Variants in TSHZ1 observed in about 807,000 individuals in gnomAD.
The protein encoded by TSHZ1 is teashirt zinc finger homeobox 1, also known as teashirt homolog 1.
A neutral mutation model predicts 67.1 loss-of-function variants in TSHZ1; 12 were observed. The ratio of observed to expected loss-of-function variants is 0.18; its 90% CI spans 0.11 to 0.29. TSHZ1 has a LOEUF of 0.29. Ranked by LOEUF, TSHZ1 falls within the 10% of genes least tolerant of loss-of-function variation. TSHZ1 has a pLI of 1.00. For missense variants in TSHZ1, 1,305 were observed against 1,413.9 expected (o/e 0.92, Z 1.23); for synonymous variants, 632 against 622.4 (o/e 1.02, Z -0.23).
At chr18:75,282,065 G>A (rs553315881) in intron 1 of TSHZ1, among the ~76,000 whole-genome samples, 1 of 152,160 alleles carries the variant, frequency 6.6e-6, no homozygotes, top group Non-Finnish European at 1.5e-5. Context: ...CAAGGAAATG[G>A]CTTGCTGGGA....
At chr18:75,224,964 C>T (rs1196063707) in intron 1 of TSHZ1, among the ~76,000 whole-genome samples, 6 of 152,062 alleles carry the variant, frequency 3.9e-5, no homozygotes, top group African/African-American at 7.2e-5. Flanking sequence ...AGGAAGTCGC[C>T]GTCATGAAGC....
intron 1 of TSHZ1, among the ~76,000 whole-genome samples, chr18:75,252,089 A>G (rs772589277): frequency 5.3e-5 from 8 of 152,120 alleles, no homozygotes; most frequent in Non-Finnish European, 1.2e-4. Flanking sequence ...ATCTATATTT[A>G]TCTCTGTCTC....
In TSHZ1 at chr18:75,288,012, G is replaced by A; in HGVS notation, c.2605G>A (p.Gly869Ser). 6.2e-7 allele frequency: 1 copy of A among 1,614,214 alleles called. No homozygotes were observed. Among genetic ancestry groups the A allele is most frequent in the Non-Finnish European group, 8.5e-7 (1 of 1,180,044 alleles). ...STVSEKSDADGSSFEEALDEL... is the reference protein window; with the variant it reads ...STVSEKSDADSSSFEEALDEL... Reference sequence around the variant, plus strand: ...AGTTTCAGAGAAGTCCGATGCTGATGGCAGCAGCTTTGAGGAGGCGTTGGA... The same window carrying A: ...AGTTTCAGAGAAGTCCGATGCTGATAGCAGCAGCTTTGAGGAGGCGTTGGA... Residue 869 changes from glycine to serine, a missense_variant, in exon 2 of 2, where the codon GGC becomes AGC. By Grantham distance (56) the Gly-to-Ser change is moderately conservative (BLOSUM62 0). This residue lies in a region of TSHZ1 where 909 missense variants were observed against 961.8 expected (regional missense o/e 0.95). Transcript: ENST00000580243. This position sits in a 1 kb window ranked among gnomAD's most constrained non-coding sequence, Gnocchi z 4.9.
Position 75,287,322 on chromosome 18 carries a change from A to C in TSHZ1, c.1915A>C (p.Met639Leu). ...ACCGCACAAGAGCAACGTGTCTGCCATGGAGGAGCTGGTGGAGAAGGTCAC... is the reference window on the plus strand; with the variant it reads ...ACCGCACAAGAGCAACGTGTCTGCCCTGGAGGAGCTGGTGGAGAAGGTCAC... Reference protein sequence around the residue: ...PPPHKSNVSAMEELVEKVTGK... With the variant: ...PPPHKSNVSALEELVEKVTGK... Residue 639 changes from methionine (M) to leucine (L), a missense_variant, in exon 2 of 2, where the codon ATG becomes CTG. Around this residue, in one of 3 missense-constraint regions of TSHZ1, gnomAD observed 909 missense variants for 961.8 expected, o/e 0.95. Transcript: ENST00000580243. This position sits in a 1 kb window ranked among gnomAD's most constrained non-coding sequence, Gnocchi z 5.0. 1 of 1,614,154 alleles carries C rather than the reference A, an allele frequency of 6.2e-7. No homozygotes were observed. Among genetic ancestry groups the C allele is most frequent in the Non-Finnish European group, 8.5e-7 (1 of 1,180,038 alleles).
At chr18:75,213,641 TAAAA>T (rs1038340119) in intron 1 of TSHZ1, among the ~76,000 whole-genome samples, 3 of 151,368 alleles carry the variant, frequency 2.0e-5, no homozygotes, top group African/African-American at 7.3e-5. Context: ...TTTTTTTAAA[TAAAA>T]GGTTTGAAAG....
chr18:75,278,006 C>T (rs903532727), intron 1 of TSHZ1, among the ~76,000 whole-genome samples: 2 of 151,976 alleles, frequency 1.3e-5, no homozygotes, highest in South Asian at 2.1e-4. Context: ...ACATCAAATC[C>T]GTACCTTCCA....
rs575647287 is a variant in TSHZ1 at position 75,277,953 on chromosome 18, T to C, written c.41-7495T>C. Among the ~76,000 whole-genome samples the C allele has an allele frequency of 8.5e-5, 13 of 152,160 alleles. 2 individuals are homozygous for C. The South Asian group carries it at 2.7e-3, about 32-fold the overall frequency. On this transcript the variant is annotated intron_variant, in intron 1 of 1. Transcript: ENST00000580243. ...AGCGAGTGAGTGTATCGGGTCACAC[T>C]GTGTGTATGTATCTGAGCCTGGGCT...
intron 1 of TSHZ1, among the ~76,000 whole-genome samples, chr18:75,264,197 CTT>C (rs1337507510): frequency 6.6e-6 from 1 of 152,202 alleles, no homozygotes; most frequent in Non-Finnish European, 1.5e-5. Context: ...TGGCTGTCCT[CTT>C]TAAGTCCCTG....
At chr18:75,262,053 C>T (rs866483279) in intron 1 of TSHZ1, among the ~76,000 whole-genome samples, 1 of 152,056 alleles carries the variant, frequency 6.6e-6, no homozygotes, top group African/African-American at 2.4e-5. Flanking sequence ...GAGATGGTGG[C>T]CTGAAAAAGC....
In TSHZ1 at chr18:75,229,968, T is replaced by G. The variant is rs191710233; in HGVS notation, c.40+18052T>G. Among the ~76,000 whole-genome samples the G allele has an allele frequency of 1.1e-3, 165 of 152,316 alleles. 1 individual carries two copies. The highest frequency in any genetic ancestry group is 1.8e-3 in the Non-Finnish European group (125 of 68,026). ...ATACATCTACTTGTGGAAATGCTCA[T>G]AATGGTGGTGATACTGGGTATTTTA... On this transcript the variant is annotated intron_variant, in intron 1 of 1. Coordinates refer to ENST00000580243, the MANE Select transcript of TSHZ1 (RefSeq NM_001308210.2).
intron 1 of TSHZ1, among the ~76,000 whole-genome samples, chr18:75,251,265 C>A (rs111714182): frequency 0.012 from 1,834 of 151,544 alleles, 36 homozygotes; most frequent in African/African-American, 0.041. Context: ...ATAAACAAAC[C>A]AAAAAAAGCA....
chr18:75,250,802 C>T (rs749583107), intron 1 of TSHZ1, among the ~76,000 whole-genome samples: 33 of 152,328 alleles, frequency 2.2e-4, no homozygotes, highest in Non-Finnish European at 4.3e-4. Context: ...GATGTCCTGG[C>T]ACAGACGAGG....
At chr18:75,224,498 G>T (rs1199375625) in intron 1 of TSHZ1, among the ~76,000 whole-genome samples, 1 of 152,150 alleles carries the variant, frequency 6.6e-6, no homozygotes, top group African/African-American at 2.4e-5. Flanking sequence ...CACACTATCT[G>T]AATTTTTTAT....
intron 1 of TSHZ1, among the ~76,000 whole-genome samples, chr18:75,273,198 A>G (rs899846732): frequency 6.6e-6 from 1 of 152,216 alleles, no homozygotes; most frequent in Non-Finnish European, 1.5e-5. Context: ...TCATCTATCC[A>G]CAGAGCAGCG....
chr18:75,268,698 G>A (rs1028215668), intron 1 of TSHZ1, among the ~76,000 whole-genome samples: 8 of 152,142 alleles, frequency 5.3e-5, no homozygotes, highest in African/African-American at 1.7e-4. Flanking sequence ...CAAACCATGC[G>A]AGTTACAGTG....
At chr18:75,217,610 G>T (rs2022787189) in intron 1 of TSHZ1, among the ~76,000 whole-genome samples, 1 of 152,220 alleles carries the variant, frequency 6.6e-6, no homozygotes, top group Non-Finnish European at 1.5e-5. Flanking sequence ...AGGAATCCTT[G>T]TGTGGTTGTG....
In TSHZ1 at chr18:75,285,829, C is replaced by G. The variant is rs767104492; in HGVS notation, c.422C>G (p.Ser141Cys). 6.2e-7 allele frequency: 1 copy of G among 1,613,816 alleles called. No individual in the cohort carries two copies. Among genetic ancestry groups the G allele is most frequent in the East Asian group, 2.2e-5 (1 of 44,884 alleles). The change falls in exon 2 of 2, where the codon TCC (serine) becomes TGC (cysteine). Residue 141 changes from serine to cysteine, a missense_variant. Ser to Cys is a moderately radical substitution (Grantham distance 112, BLOSUM62 -1). Coordinates refer to ENST00000580243, the MANE Select transcript of TSHZ1 (RefSeq NM_001308210.2). ...GCTCTGGATTTAAAGAAGTCGGGTT[C>G]CACCACCAGCACCAACGATGCCAGC... Reference protein sequence around the residue: ...SLALDLKKSGSTTSTNDASQK... With the variant: ...SLALDLKKSGCTTSTNDASQK...
intron 1 of TSHZ1, among the ~76,000 whole-genome samples, chr18:75,212,409 A>G (rs1434173295): frequency 1.1e-5 from 1 of 92,848 alleles, no homozygotes; most frequent in Non-Finnish European, 2.6e-5. Context: ...CCCCGCCCCC[A>G]CTTTTTTTTT....
At chr18:75,232,785 T>C (rs182763423) in intron 1 of TSHZ1, among the ~76,000 whole-genome samples, 1 of 152,248 alleles carries the variant, frequency 6.6e-6, no homozygotes, top group Admixed American at 6.5e-5. Context: ...AAAAGAAATT[T>C]AGTGCATATA....
Sources: allele counts gnomAD v4.1 joint callset (sites outside exome capture counted in the v4.1 genomes callset), GRCh38; gene constraint gnomAD v4.1.1; regional missense constraint gnomAD v4.1.1; non-coding constraint Gnocchi (gnomAD v3.1); transcripts MANE v1.5; gene names NCBI Gene and HGNC (gene_info 2026-07-23, HGNC 2026-07-21).